OLFM3: variants seen among roughly 807,000 people sequenced by gnomAD.
OLFM3 encodes noelin-3.
Under a neutral mutation model 48.6 loss-of-function variants are expected in OLFM3, and 20 were observed. The ratio of observed to expected loss-of-function variants is 0.41; its 90% confidence interval spans 0.29 to 0.60. The LOEUF (loss-of-function observed/expected upper bound fraction) is 0.60. Ranked by LOEUF, OLFM3 falls within the 20% of genes least tolerant of loss-of-function variation. The pLI is 0.28. For synonymous variants in OLFM3, 222 were observed against 198.1 expected (o/e 1.12, Z -1.01); for missense variants, 437 against 544.3 (o/e 0.80, Z 1.96).
chr1:101,906,072 G>A (rs77114333), intron 1 of OLFM3, among the ~76,000 whole-genome samples: 21,944 of 152,084 alleles, frequency 0.14, 1,708 homozygotes, highest in East Asian at 0.22. Context: ...TGAGGAGCCA[G>A]GAGAGAAATA....
chr1:101,822,334 A>G (rs889540787), intron 4 of OLFM3, among the ~76,000 whole-genome samples: 3 of 152,134 alleles, frequency 2.0e-5, no homozygotes, highest in Admixed American at 2.0e-4. Context: ...TAACTGACAT[A>G]CGTTAGGTTT....
chr1:101,863,944 T>C (rs1162492257), intron 1 of OLFM3, among the ~76,000 whole-genome samples: 2 of 152,214 alleles, frequency 1.3e-5, no homozygotes, highest in African/African-American at 2.4e-5. Flanking sequence ...CCCAGACAAT[T>C]GTCTCATAGG....
chr1:101,851,528 A>T (rs1656220848), intron 1 of OLFM3, among the ~76,000 whole-genome samples: 1 of 152,140 alleles, frequency 6.6e-6, no homozygotes, highest in Admixed American at 6.6e-5. Context: ...TGCAGCTTGG[A>T]GTATATGCTG....
At chr1:101,835,133 A>G (rs571264241) in intron 2 of OLFM3, among the ~76,000 whole-genome samples, 1 of 152,350 alleles carries the variant, frequency 6.6e-6, no homozygotes, top group African/African-American at 2.4e-5. Context: ...AGAAAAAAAG[A>G]TATTTCTGGG....
rs894338588 is a variant in OLFM3, at chr1:101,858,492, A to T, written c.70-21467T>A. On this transcript the variant is annotated intron_variant, in intron 1 of 5. Coordinates refer to ENST00000370103, the MANE Select transcript of OLFM3 (RefSeq NM_058170.4). ...TAATTTCAATATAATGGGACCCATA[A>T]TGTGTACAATGTGCAATGGGTCATT... is the stretch of plus-strand genomic sequence containing the variant. Among the ~76,000 whole-genome samples, 3 of 152,008 alleles carry T rather than the reference A, an allele frequency of 2.0e-5. No homozygotes were observed. In the East Asian group the frequency reaches 5.8e-4, roughly 29 times the overall value.
chr1:101,838,984 ACT>A (rs1002478902), intron 1 of OLFM3, among the ~76,000 whole-genome samples: 14 of 152,186 alleles, frequency 9.2e-5, no homozygotes, highest in African/African-American at 3.4e-4. Context: ...AATGATAACT[ACT>A]TCTAGGTGCC....
rs1025420756 is a variant in OLFM3 at position 101,847,329 on chromosome 1, T to G, written c.70-10304A>C. On this transcript the variant is annotated intron_variant, in intron 1 of 5. Coordinates refer to ENST00000370103, the MANE Select transcript of OLFM3 (RefSeq NM_058170.4). Reference sequence around the variant, plus strand: ...GAATCCATTTCCTCTGGGGTTTGTGTAAGTATAATCAGCTACTCTTTATCT... The same window carrying G: ...GAATCCATTTCCTCTGGGGTTTGTGGAAGTATAATCAGCTACTCTTTATCT... Among the ~76,000 whole-genome samples, 4 of 151,936 alleles carry G rather than the reference T, an allele frequency of 2.6e-5. No homozygotes were observed. The South Asian group carries it at 8.3e-4, about 32-fold the overall frequency.
At chr1:101,904,230 T>G (rs993287790) in intron 1 of OLFM3, among the ~76,000 whole-genome samples, 1 of 152,096 alleles carries the variant, frequency 6.6e-6, no homozygotes, top group African/African-American at 2.4e-5. Context: ...TGGAAGAAGT[T>G]AAAAGAAAAT....
rs35260761 is a variant in OLFM3, at chr1:101,896,488, C to CTTTT, written c.70-59467_70-59464dup. Among the ~76,000 whole-genome samples, 166 of 76,694 alleles carry CTTTT rather than the reference C, an allele frequency of 2.2e-3. 3 individuals carry two copies. The highest frequency in any genetic ancestry group is 8.2e-3 in the East Asian group (19 of 2,312). 50.3% of individuals were successfully genotyped at this position (76,694 alleles called of 152,430 possible). On this transcript the variant is annotated intron_variant, in intron 1 of 5. Transcript: ENST00000370103. ...TTTTTCAATTTAGCATGCTTACACACTTTTTTTTTTTTTTTTTTTTTTTTG... is the reference window on the plus strand; with the variant it reads ...TTTTTCAATTTAGCATGCTTACACACTTTTTTTTTTTTTTTTTTTTTTTTTTTTG...
intron 1 of OLFM3, among the ~76,000 whole-genome samples, chr1:101,926,620 A>G (rs927029445): frequency 6.6e-6 from 1 of 152,194 alleles, no homozygotes; most frequent in Non-Finnish European, 1.5e-5. Flanking sequence ...CAAAGTCTCT[A>G]GTACAATAAC....
intron 1 of OLFM3, among the ~76,000 whole-genome samples, chr1:101,982,332 C>T (rs968885518): frequency 2.0e-5 from 3 of 151,962 alleles, no homozygotes; most frequent in African/African-American, 7.2e-5. Flanking sequence ...TGGGATTCTT[C>T]TTAGTAATTT....
At chr1:101,845,167 C>A (rs1445223) in intron 1 of OLFM3, among the ~76,000 whole-genome samples, 47,451 of 151,616 alleles carry the variant, frequency 0.31, 9,488 homozygotes, top group East Asian at 0.62. Flanking sequence ...TTTTCTTCTT[C>A]TTATTATTTT....
At chr1:101,986,133 T>G (rs985347532) in intron 1 of OLFM3, among the ~76,000 whole-genome samples, 2 of 151,846 alleles carry the variant, frequency 1.3e-5, no homozygotes, top group Non-Finnish European at 2.9e-5. Context: ...GCCCGGCTAA[T>G]TTTTTGTATT....
At chr1:101,988,396 G>C (rs1194451398) in intron 1 of OLFM3, among the ~76,000 whole-genome samples, 2 of 152,106 alleles carry the variant, frequency 1.3e-5, no homozygotes, top group Non-Finnish European at 2.9e-5. Flanking sequence ...GTCAAAAATA[G>C]CACTGAGGAT....
At chr1:101,948,115 A>G (rs1198626297) in intron 1 of OLFM3, among the ~76,000 whole-genome samples, 1 of 152,208 alleles carries the variant, frequency 6.6e-6, no homozygotes, top group African/African-American at 2.4e-5. Flanking sequence ...CCTTTTTAAC[A>G]TTGAAACAAG....
At chr1:101,977,312 CTTGT>C (rs1277588006) in intron 1 of OLFM3, among the ~76,000 whole-genome samples, 2 of 151,932 alleles carry the variant, frequency 1.3e-5, no homozygotes, top group Non-Finnish European at 2.9e-5. Flanking sequence ...GATATTCTAC[CTTGT>C]TTAAGAGTTA....
intron 1 of OLFM3, among the ~76,000 whole-genome samples, chr1:101,866,079 C>A (rs1182589136): frequency 6.6e-6 from 1 of 152,076 alleles, no homozygotes; most frequent in Admixed American, 6.6e-5. Flanking sequence ...CACTAATGAC[C>A]ATTCATTTGT....
chr1:101,985,473 C>T (rs1316557240), intron 1 of OLFM3, among the ~76,000 whole-genome samples: 1 of 152,184 alleles, frequency 6.6e-6, no homozygotes, highest in Non-Finnish European at 1.5e-5. Flanking sequence ...GAAACTTTCT[C>T]ATAATTATTT....
At chr1:101,900,460 T>C (rs1658353756) in intron 1 of OLFM3, among the ~76,000 whole-genome samples, 1 of 152,108 alleles carries the variant, frequency 6.6e-6, no homozygotes, top group African/African-American at 2.4e-5. Context: ...AATCTGTACA[T>C]ATATTTGATC....
Sources: gnomAD v4.1 joint callset for allele counts (sites outside exome capture counted in the v4.1 genomes callset) on GRCh38, gnomAD v4.1.1 for gene constraint, MANE v1.5 for transcripts, NCBI Gene and HGNC (gene_info 2026-07-23, HGNC 2026-07-21) for gene names.